The following ARL15 variants were observed in gnomAD, a reference collection of about 807,000 sequenced individuals.
The protein encoded by ARL15 is ARF like GTPase 15.
In ARL15, 19 loss-of-function variants were observed where a neutral mutation model predicts 25.2. That is an observed-to-expected ratio of 0.75 (90% confidence interval 0.53 to 1.10). The LOEUF is 1.10. Ranked by LOEUF, ARL15 falls within the 50% of genes least tolerant of loss-of-function variation. The probability of loss-of-function intolerance (pLI) is 0.00; values close to 1 mark genes in which losing one functional copy is unlikely to be tolerated. For missense variants in ARL15, 220 were observed against 246.0 expected (o/e 0.89, Z 0.71); for synonymous variants, 94 against 86.8 (o/e 1.08, Z -0.46).
At chr5:54,219,982 A>AT (rs1261954230) in intron 1 of ARL15, among the ~76,000 whole-genome samples, 5 of 152,200 alleles carry the variant, frequency 3.3e-5, no homozygotes, top group African/African-American at 4.8e-5. Flanking sequence ...GACTTGCTGA[A>AT]TGTCAGAGCA....
chr5:54,122,743 A>C (rs73754459), intron 3 of ARL15, among the ~76,000 whole-genome samples: 2,830 of 152,318 alleles, frequency 0.019, 88 homozygotes, highest in African/African-American at 0.063. Flanking sequence ...AGAAAAGCAA[A>C]CACAAATCTA....
intron 3 of ARL15, among the ~76,000 whole-genome samples, chr5:54,142,695 T>C (rs975122032): frequency 2.0e-5 from 3 of 152,152 alleles, no homozygotes; most frequent in Admixed American, 2.0e-4. Context: ...CATGCTCTTA[T>C]GTTAATAGTG....
intron 4 of ARL15, among the ~76,000 whole-genome samples, chr5:53,941,191 T>A (rs1746529508): frequency 6.6e-6 from 1 of 152,192 alleles, no homozygotes; most frequent in Admixed American, 6.5e-5. Flanking sequence ...CTGTATAAGC[T>A]TTTTTAATAT....
chr5:54,015,823 G>T (rs1387554646), intron 4 of ARL15, among the ~76,000 whole-genome samples: 1 of 152,126 alleles, frequency 6.6e-6, no homozygotes, highest in Non-Finnish European at 1.5e-5. Flanking sequence ...TTTTGAGCTT[G>T]TTCTGAAAAC....
At chr5:53,903,714 G>A (rs756592866) in intron 4 of ARL15, among the ~76,000 whole-genome samples, 1 of 152,174 alleles carries the variant, frequency 6.6e-6, no homozygotes, top group South Asian at 2.1e-4. Context: ...AGCATCACAG[G>A]TCAACAGCTC....
At chr5:54,153,678 G>A (rs1426010757) in intron 3 of ARL15, among the ~76,000 whole-genome samples, 1 of 152,118 alleles carries the variant, frequency 6.6e-6, no homozygotes, top group African/African-American at 2.4e-5. Context: ...ATAGCGAACT[G>A]AAAACAGACA....
chr5:54,073,488 GT>G (rs1336171165), intron 4 of ARL15, among the ~76,000 whole-genome samples: 1 of 152,010 alleles, frequency 6.6e-6, no homozygotes, highest in Non-Finnish European at 1.5e-5. Flanking sequence ...TAGGTTTCAA[GT>G]GAGATTGTTA....
chr5:54,028,857 A>C (rs147707252), intron 4 of ARL15, among the ~76,000 whole-genome samples: 71 of 152,168 alleles, frequency 4.7e-4, no homozygotes, highest in Admixed American at 1.0e-3. Context: ...ACAAATAATA[A>C]TACTACTACT....
In ARL15 at chr5:53,886,374, C is replaced by T. The variant is rs1244773973; in HGVS notation, c.*187G>A. The T allele has an allele frequency of 1.6e-5, 10 of 608,498 alleles. No individual in the cohort carries two copies. Among genetic ancestry groups the T allele is most frequent in the East Asian group, 2.9e-5 (1 of 34,236 alleles). The allele number at this position is 608,498 out of a possible 1,614,324, so 37.7% of individuals were successfully genotyped here. On this transcript the variant is annotated 3_prime_UTR_variant, in exon 5 of 5. Coordinates refer to ENST00000504924, the MANE Select transcript of ARL15 (RefSeq NM_019087.3). ...TTCTCTCTCAGTAGTGTGTACTTGA[C>T]GTTAATGCCGATGATAATTCATCTG...
intron 1 of ARL15, among the ~76,000 whole-genome samples, chr5:54,265,614 T>C (rs931398013): frequency 4.4e-5 from 6 of 136,970 alleles, no homozygotes; most frequent in African/African-American, 1.7e-4. Flanking sequence ...GTACTTTCTA[T>C]CATGCCCTTT....
intron 1 of ARL15, among the ~76,000 whole-genome samples, chr5:54,283,423 A>G (rs1393290519): frequency 7.0e-6 from 1 of 142,818 alleles, no homozygotes; most frequent in Non-Finnish European, 1.5e-5. Context: ...ACTTAAACTC[A>G]ATCTAAACTT....
intron 4 of ARL15, among the ~76,000 whole-genome samples, chr5:53,978,632 AAAAAG>A (rs1195611974): frequency 1.3e-5 from 2 of 150,166 alleles, no homozygotes. Flanking sequence ...CAAAAAAAAA[AAAAAG>A]AAAAGAAAAG....
chr5:54,075,975 C>T (rs1256329931), intron 4 of ARL15, among the ~76,000 whole-genome samples: 1 of 152,076 alleles, frequency 6.6e-6, no homozygotes, highest in Admixed American at 6.6e-5. Context: ...ATTATACTAC[C>T]TTATATCTAT....
rs187489601 is a variant in ARL15 at position 54,049,664 on chromosome 5, A to G, written c.462+63538T>C. Among the ~76,000 whole-genome samples the G allele has an allele frequency of 8.4e-3, 1,280 of 152,040 alleles. 25 individuals carry two copies. The highest frequency in any genetic ancestry group is 0.029 in the African/African-American group (1,223 of 41,462). On this transcript the variant is annotated intron_variant, in intron 4 of 4. Coordinates refer to ENST00000504924, the MANE Select transcript of ARL15 (RefSeq NM_019087.3). ...CACCCAGGCTGGAGTGCAGTGACAC[A>G]ATCTCGGCTCACTACAACCTCTGCC...
intron 1 of ARL15, among the ~76,000 whole-genome samples, chr5:54,242,771 A>G (rs1756993394): frequency 6.6e-6 from 1 of 152,200 alleles, no homozygotes; most frequent in African/African-American, 2.4e-5. Context: ...AGAACTGCCT[A>G]AAGTTGCACT....
chr5:54,097,069 G>A (rs376475482), intron 4 of ARL15, among the ~76,000 whole-genome samples: 1 of 152,070 alleles, frequency 6.6e-6, no homozygotes, highest in African/African-American at 2.4e-5. Flanking sequence ...AGTAACTTAT[G>A]TCTAACACAG....
intron 4 of ARL15, among the ~76,000 whole-genome samples, chr5:54,031,242 T>G (rs1002069563): frequency 1.3e-5 from 2 of 152,204 alleles, no homozygotes; most frequent in African/African-American, 4.8e-5. Context: ...TTAATACCTG[T>G]AAGCCACTCT....
intron 4 of ARL15, among the ~76,000 whole-genome samples, chr5:53,916,330 C>T (rs748759955): frequency 1.4e-5 from 2 of 147,974 alleles, no homozygotes; most frequent in South Asian, 2.2e-4. Flanking sequence ...TTAGGTTCCA[C>T]GATAGACACC....
intron 4 of ARL15, among the ~76,000 whole-genome samples, chr5:53,993,266 C>A (rs1748566214): frequency 6.6e-6 from 1 of 152,060 alleles, no homozygotes; most frequent in Admixed American, 6.6e-5. Flanking sequence ...TTGAGCATAG[C>A]CTATTTATTT....
Sources: gnomAD v4.1 joint callset for allele counts (sites outside exome capture counted in the v4.1 genomes callset) on GRCh38, gnomAD v4.1.1 for gene constraint, MANE v1.5 for transcripts, NCBI Gene and HGNC (gene_info 2026-07-23, HGNC 2026-07-21) for gene names.